Variants in NAV2 observed in about 807,000 individuals in gnomAD.
NAV2 encodes neuron navigator 2.
In NAV2, 54 loss-of-function variants were observed where a neutral mutation model predicts 223.2. That is an observed-to-expected ratio of 0.24 (90% CI 0.19 to 0.30). The LOEUF (loss-of-function observed/expected upper bound fraction) is 0.30, where lower values mean the gene tolerates loss of function less well. Ranked by LOEUF, NAV2 falls within the 10% of genes least tolerant of loss-of-function variation. NAV2 has a pLI of 1.00. For missense variants in NAV2, 2,806 were observed against 3,147.5 expected (o/e 0.89, Z 2.60); for synonymous variants, 1,279 against 1,239.3 (o/e 1.03, Z -0.67).
At chr11:19,636,642 T>G (rs1275241528) in intron 1 of NAV2, among the ~76,000 whole-genome samples, 1 of 152,112 alleles carries the variant, frequency 6.6e-6, no homozygotes, top group Non-Finnish European at 1.5e-5. Flanking sequence ...AGGAGTATTT[T>G]TGTATTTTTA....
chr11:19,745,932 G>A (rs1387836538), intron 1 of NAV2, among the ~76,000 whole-genome samples: 3 of 152,290 alleles, frequency 2.0e-5, no homozygotes, highest in South Asian at 2.1e-4. Context: ...AAAGCACTGG[G>A]CAACATTTGG....
chr11:19,620,861 A>G (rs2135412593), intron 1 of NAV2, among the ~76,000 whole-genome samples: 1 of 152,262 alleles, frequency 6.6e-6, no homozygotes, highest in South Asian at 2.1e-4. Flanking sequence ...GAATGCTTCC[A>G]GTTTTTGCCC....
At chr11:19,971,167 C>A (rs2049204132) in intron 10 of NAV2, among the ~76,000 whole-genome samples, 1 of 152,038 alleles carries the variant, frequency 6.6e-6, no homozygotes, top group Admixed American at 6.6e-5. Flanking sequence ...CATGTCTGGC[C>A]CCACAGGCAC....
At chr11:19,637,728 T>C (rs2047545736) in intron 1 of NAV2, among the ~76,000 whole-genome samples, 1 of 152,256 alleles carries the variant, frequency 6.6e-6, no homozygotes, top group South Asian at 2.1e-4. Flanking sequence ...TGAACTCATT[T>C]ATCACTGAGG....
At chr11:19,867,559 G>A (rs1410506994) in intron 3 of NAV2, among the ~76,000 whole-genome samples, 1 of 152,228 alleles carries the variant, frequency 6.6e-6, no homozygotes, top group East Asian at 1.9e-4. Context: ...ATAACGCATA[G>A]CATCAACATT....
chr11:19,540,075 A>C (rs7930954), intron 1 of NAV2, among the ~76,000 whole-genome samples: 30,273 of 151,912 alleles, frequency 0.2, 6,075 homozygotes, highest in African/African-American at 0.52. Flanking sequence ...ACACGATTGA[A>C]TATTCCTAGC....
chr11:19,874,544 G>GT (rs1279268402), intron 4 of NAV2, among the ~76,000 whole-genome samples: 1 of 152,010 alleles, frequency 6.6e-6, no homozygotes, highest in Non-Finnish European at 1.5e-5. Context: ...GGGCTTTGGG[G>GT]TTTTTTTTAG....
intron 1 of NAV2, among the ~76,000 whole-genome samples, chr11:19,354,104 GT>G (rs1853479254): frequency 6.6e-6 from 1 of 152,122 alleles, no homozygotes; most frequent in African/African-American, 2.4e-5. Context: ...TTTGGGCTCT[GT>G]TTTTTGATAT....
intron 1 of NAV2, among the ~76,000 whole-genome samples, chr11:19,694,062 A>G (rs1358822349): frequency 1.3e-5 from 2 of 152,238 alleles, no homozygotes; most frequent in Non-Finnish European, 2.9e-5. Context: ...TTTGATCTTC[A>G]CAATAACCCA....
At chr11:20,062,403 G>C (rs139509162) in intron 20 of NAV2, 44 bp downstream of exon 20, 1 of 1,467,680 alleles carries the variant, frequency 6.8e-7, no homozygotes, top group African/African-American at 1.4e-5. Context: ...ATGAGAACTG[G>C]GGTTCCTTTA....
chr11:19,465,942 A>T (rs2133893192), intron 1 of NAV2, among the ~76,000 whole-genome samples: 1 of 152,340 alleles, frequency 6.6e-6, no homozygotes, highest in South Asian at 2.1e-4. Context: ...AAAGTGGTGG[A>T]TCAGAGAGCA....
chr11:20,077,502 C>A (rs1189414338), intron 22 of NAV2, 50 bp from the exon 23 acceptor site: 2 of 1,410,098 alleles, frequency 1.4e-6, no homozygotes, highest in Non-Finnish European at 2.0e-6. Context: ...ACCTTCTAAG[C>A]ACTCTTGCCT....
chr11:19,613,335 A>C (rs1263343332), intron 1 of NAV2, among the ~76,000 whole-genome samples: 1 of 152,172 alleles, frequency 6.6e-6, no homozygotes, highest in Non-Finnish European at 1.5e-5. Context: ...TTAGGGAAAA[A>C]AAAATCATGT....
At chr11:19,372,012 C>G (rs1353529251) in intron 1 of NAV2, among the ~76,000 whole-genome samples, 1 of 152,138 alleles carries the variant, frequency 6.6e-6, no homozygotes, top group Non-Finnish European at 1.5e-5. Context: ...CTCCTGATCT[C>G]AGGTGATCCA....
At position 19,609,513 on chromosome 11, in the gene NAV2, G is replaced by A. The variant is rs114429713; in HGVS notation, c.76-222971G>A. 2.5e-3 allele frequency among the ~76,000 whole-genome samples: 379 copies of A among 152,266 alleles called. 2 individuals carry two copies. Among genetic ancestry groups the A allele is most frequent in the African/African-American group, 8.7e-3 (361 of 41,538 alleles). ...GAAAAGTATTACAGGTGAGGGAATA[G>A]CATGGGCAAAGGTCTAAAGGCAAGA... On this transcript the variant is annotated intron_variant, in intron 1 of 37. Coordinates refer to the NAV2 transcript ENST00000360655.
At chr11:19,538,054 C>T (rs1349410713) in intron 1 of NAV2, among the ~76,000 whole-genome samples, 1 of 152,222 alleles carries the variant, frequency 6.6e-6, no homozygotes, top group Non-Finnish European at 1.5e-5. Context: ...ACAGTTTCTT[C>T]TGCAGCACCT....
chr11:19,503,222 C>G (rs758778396), intron 1 of NAV2: 5 of 152,222 alleles, frequency 3.3e-5, no homozygotes, highest in Non-Finnish European at 7.3e-5. Context: ...GCCCCCCACA[C>G]ATACACAGCC....
intron 11 of NAV2, among the ~76,000 whole-genome samples, chr11:19,991,210 C>A (rs1248464552): frequency 6.6e-6 from 1 of 152,210 alleles, no homozygotes; most frequent in African/African-American, 2.4e-5. Context: ...CTGACTGCAA[C>A]CTCCACCCCG....
intron 1 of NAV2, among the ~76,000 whole-genome samples, chr11:19,642,940 T>C (rs893419626): frequency 6.6e-6 from 1 of 152,164 alleles, no homozygotes; most frequent in Admixed American, 6.5e-5. Context: ...GGTAGTTCTG[T>C]TGGAGAAACA....
Sources: gnomAD v4.1 joint callset for allele counts (sites outside exome capture counted in the v4.1 genomes callset) on GRCh38, gnomAD v4.1.1 for gene constraint, MANE v1.5 for transcripts, NCBI Gene and HGNC (gene_info 2026-07-23, HGNC 2026-07-21) for gene names.